Variants in NR6A1 observed in about 807,000 individuals in gnomAD.
The protein encoded by NR6A1 is retinoic acid receptor-related testis-associated receptor.
NR6A1 carries 7 observed loss-of-function variants against 59.1 expected under a neutral mutation model. The observed-to-expected ratio is 0.12, with a 90% CI of 0.07 to 0.22. The LOEUF (loss-of-function observed/expected upper bound fraction) is 0.22. Ranked by LOEUF, NR6A1 falls within the 10% of genes least tolerant of loss-of-function variation. NR6A1 has a pLI of 1.00. For synonymous variants in NR6A1, 243 were observed against 236.1 expected, an observed-to-expected ratio of 1.03 and a Z score of -0.27; for missense variants, 468 against 611.6, an observed-to-expected ratio of 0.77 and a Z score of 2.48.
chr9:124,551,862 C>A (rs1833787890), intron 3 of NR6A1, among the ~76,000 whole-genome samples: 1 of 152,184 alleles, frequency 6.6e-6, no homozygotes, highest in Non-Finnish European at 1.5e-5. Flanking sequence ...TTCCTTACCC[C>A]CAAAATACTC....
rs533180711 is a variant in NR6A1 at position 124,770,910 on chromosome 9, G to T, written c.100+110C>A. ...GAAGGGCCACCCTAAGGGGCCGCGG[G>T]GCCGCTGCGGCTTCCCAGGGCGAGG... On this transcript the variant is annotated intron_variant, in intron 1 of 9. Coordinates refer to ENST00000487099, the MANE Select transcript of NR6A1 (RefSeq NM_033334.4). The T allele has an allele frequency of 3.6e-4, 211 of 582,542 alleles. 4 individuals are homozygous for T. The South Asian group carries it at 0.018, about 49-fold the overall frequency. 36.1% of individuals were successfully genotyped at this position (582,542 alleles called of 1,614,324 possible).
In NR6A1 at chr9:124,686,906, G is replaced by A. The variant is rs571190828; in HGVS notation, c.142+46402C>T. On this transcript the variant is annotated intron_variant, in intron 2 of 9. Coordinates refer to ENST00000487099, the MANE Select transcript of NR6A1 (RefSeq NM_033334.4). ...TTTGTAGAGATGGGGTTCTTGCCATGTTGCCCAGGCTGGTCTTGAAATCCT... is the reference window on the plus strand; with the variant it reads ...TTTGTAGAGATGGGGTTCTTGCCATATTGCCCAGGCTGGTCTTGAAATCCT... Among the ~76,000 whole-genome samples, 81 of 152,090 alleles carry A rather than the reference G, an allele frequency of 5.3e-4. 2 individuals carry two copies. The South Asian group carries it at 0.016, about 31-fold the overall frequency.
chr9:124,598,292 G>T (rs1191379279), intron 2 of NR6A1, among the ~76,000 whole-genome samples: 2 of 151,634 alleles, frequency 1.3e-5, no homozygotes, highest in Admixed American at 6.6e-5. Flanking sequence ...CGCTATGATT[G>T]TGGCCTCTGA....
At chr9:124,752,385 T>C (rs1324525547) in intron 1 of NR6A1, among the ~76,000 whole-genome samples, 1 of 152,146 alleles carries the variant, frequency 6.6e-6, no homozygotes, top group Non-Finnish European at 1.5e-5. Flanking sequence ...AAGGATAAAA[T>C]TTTTAAAAAT....
At chr9:124,529,312 G>A (rs968308035) in intron 7 of NR6A1, among the ~76,000 whole-genome samples, 1 of 152,136 alleles carries the variant, frequency 6.6e-6, no homozygotes, top group South Asian at 2.1e-4. Flanking sequence ...TCACAGAATG[G>A]ATACAAATCA....
intron 2 of NR6A1, among the ~76,000 whole-genome samples, chr9:124,702,885 T>G (rs1191597382): frequency 6.6e-6 from 1 of 151,988 alleles, no homozygotes; most frequent in African/African-American, 2.4e-5. Flanking sequence ...ATTTTGCCTA[T>G]TCTACGAATA....
intron 2 of NR6A1, among the ~76,000 whole-genome samples, chr9:124,566,720 G>C (rs1163651983): frequency 6.6e-6 from 1 of 152,304 alleles, no homozygotes; most frequent in East Asian, 1.9e-4. Flanking sequence ...AGGAACTCAA[G>C]GTTCTAAACC....
intron 2 of NR6A1, among the ~76,000 whole-genome samples, chr9:124,659,881 G>A (rs1002179535): frequency 1.3e-5 from 2 of 152,128 alleles, no homozygotes; most frequent in Non-Finnish European, 2.9e-5. Flanking sequence ...AAATGCTTAG[G>A]TTGGTTCCTA....
intron 2 of NR6A1, among the ~76,000 whole-genome samples, chr9:124,667,169 G>A (rs868078031): frequency 3.0e-4 from 46 of 151,792 alleles, no homozygotes; most frequent in Middle Eastern, 3.4e-3. Flanking sequence ...TGAGTAGCTG[G>A]GATTACAGGC....
At chr9:124,546,592 TAAAAC>T (rs1833608699) in intron 3 of NR6A1, among the ~76,000 whole-genome samples, 1 of 152,186 alleles carries the variant, frequency 6.6e-6, no homozygotes, top group South Asian at 2.1e-4. Flanking sequence ...TACTTCAAAA[TAAAAC>T]AGAACAAAGT....
intron 2 of NR6A1, among the ~76,000 whole-genome samples, chr9:124,651,705 C>T (rs1019327417): frequency 6.6e-6 from 1 of 152,166 alleles, no homozygotes; most frequent in Non-Finnish European, 1.5e-5. Flanking sequence ...AAATAGGCCT[C>T]ATTACATATC....
chr9:124,760,858 T>C (rs1256266145), intron 1 of NR6A1, among the ~76,000 whole-genome samples: 2 of 152,268 alleles, frequency 1.3e-5, no homozygotes, highest in Non-Finnish European at 2.9e-5. Flanking sequence ...CCCTGCTCTT[T>C]GCCTCACACC....
rs372455519 is a variant in NR6A1, at chr9:124,524,805, C to G, written c.1270G>C (p.Asp424His). 6 of 1,613,752 alleles carry G rather than the reference C, an allele frequency of 3.7e-6. No individual in the cohort carries two copies. In the African/African-American group the frequency reaches 8.0e-5, roughly 22 times the overall value. The change falls in exon 9 of 10, where the codon GAT (aspartate) becomes CAT (histidine). Residue 424 changes from aspartate to histidine, a missense_variant. Asp to His is a moderately conservative substitution (Grantham distance 81). This residue lies in a region of NR6A1 where 176 missense variants were observed against 264.0 expected (regional missense o/e 0.67). Transcript: ENST00000487099. ...TGTGTGTATTTATATTCAGTAAAATCCTGGCAAATGTACCAGTATCGTTTA... is the reference window on the plus strand; with the variant it reads ...TGTGTGTATTTATATTCAGTAAAATGCTGGCAAATGTACCAGTATCGTTTA... ...LNKRYWYICQ[D>H]FTEYKYTHQP...
chr9:124,762,394 C>T (rs536771112), intron 1 of NR6A1, among the ~76,000 whole-genome samples: 1 of 152,252 alleles, frequency 6.6e-6, no homozygotes, highest in South Asian at 2.1e-4. Context: ...TTTTGCTAAT[C>T]TCCTTAATAT....
chr9:124,654,102 G>A (rs2130926515), intron 2 of NR6A1, among the ~76,000 whole-genome samples: 1 of 152,270 alleles, frequency 6.6e-6, no homozygotes, highest in Middle Eastern at 3.4e-3. Context: ...TGAAACCAAT[G>A]TTAGCCCCAA....
intron 1 of NR6A1, among the ~76,000 whole-genome samples, chr9:124,748,030 C>T (rs1242446473): frequency 2.0e-5 from 3 of 152,128 alleles, no homozygotes; most frequent in African/African-American, 4.8e-5. Context: ...CTCGAAACAC[C>T]CCAAAGCTTG....
At position 124,582,423 on chromosome 9, in the gene NR6A1, AG is replaced by A. The variant is rs1437342432; in HGVS notation, c.143-27854del. Among the ~76,000 whole-genome samples, 5 of 152,132 alleles carry A rather than the reference AG, an allele frequency of 3.3e-5. No individual in the cohort carries two copies. In the East Asian group the frequency reaches 9.6e-4, roughly 29 times the overall value. ...CACACTGGGGCTTACCAGAGGGCAG[AG>A]GGTGGGAGGAGGGAGAGGATCAGGA... On this transcript the variant is annotated intron_variant, in intron 2 of 9. Transcript: ENST00000487099.
At chr9:124,765,924 C>T (rs1202270061) in intron 1 of NR6A1, among the ~76,000 whole-genome samples, 1 of 152,206 alleles carries the variant, frequency 6.6e-6, no homozygotes, top group Non-Finnish European at 1.5e-5. Context: ...AGACATCTCA[C>T]AGTGGTTTTC....
intron 2 of NR6A1, among the ~76,000 whole-genome samples, chr9:124,687,291 ATTATTTATTTAT>A (rs142524533): frequency 7.0e-6 from 1 of 142,090 alleles, no homozygotes; most frequent in Non-Finnish European, 1.5e-5. Context: ...CAGCTAATTA[ATTATTTATTTAT>A]TTATTTATTT....
Sources: allele counts gnomAD v4.1 joint callset (sites outside exome capture counted in the v4.1 genomes callset), GRCh38; gene constraint gnomAD v4.1.1; regional missense constraint gnomAD v4.1.1; transcripts MANE v1.5; gene names NCBI Gene and HGNC (gene_info 2026-07-23, HGNC 2026-07-21).